Variants in NRG3 observed in about 807,000 individuals in gnomAD.
NRG3 encodes pro-neuregulin-3, membrane-bound isoform.
Under a neutral mutation model 66.9 loss-of-function variants are expected in NRG3, and 31 were observed. That is an observed-to-expected ratio of 0.46 (90% CI 0.35 to 0.63). The LOEUF (loss-of-function observed/expected upper bound fraction) is 0.63. NRG3 is among the 20% of genes least tolerant of loss of function. The pLI, the probability that NRG3 is intolerant of heterozygous loss-of-function variation, is 0.00. For missense variants in NRG3, 910 were observed against 878.9 expected (o/e 1.04, Z -0.45); for synonymous variants, 393 against 359.4 (o/e 1.09, Z -1.06).
chr10:82,590,135 T>C (rs2133298331), intron 2 of NRG3, among the ~76,000 whole-genome samples: 1 of 152,324 alleles, frequency 6.6e-6, no homozygotes, highest in East Asian at 1.9e-4. Flanking sequence ...CAATTATTGA[T>C]GTCTTTGCCA....
chr10:82,684,474 A>G (rs1013400413), intron 2 of NRG3, among the ~76,000 whole-genome samples: 4 of 152,192 alleles, frequency 2.6e-5, no homozygotes, highest in Non-Finnish European at 5.9e-5. Context: ...TGCCATTGAA[A>G]ACCAAATTTC....
At chr10:82,049,305 C>T (rs536766170) in intron 1 of NRG3, among the ~76,000 whole-genome samples, 1 of 152,052 alleles carries the variant, frequency 6.6e-6, no homozygotes, top group Non-Finnish European at 1.5e-5. Flanking sequence ...CATAAGAGGA[C>T]CCTTCATCAT....
chr10:82,235,553 A>G (rs891803410), intron 1 of NRG3, among the ~76,000 whole-genome samples: 3 of 152,154 alleles, frequency 2.0e-5, no homozygotes, highest in Non-Finnish European at 4.4e-5. Flanking sequence ...TTTCCATCTC[A>G]AGTAATCTCC....
At chr10:82,360,295 G>T (rs1564837492) in intron 2 of NRG3, among the ~76,000 whole-genome samples, 1 of 152,212 alleles carries the variant, frequency 6.6e-6, no homozygotes, top group Non-Finnish European at 1.5e-5. Flanking sequence ...ATCCAGGAAT[G>T]AGCTACTCCT....
chr10:82,525,350 A>G (rs144157799), intron 2 of NRG3, among the ~76,000 whole-genome samples: 52 of 152,042 alleles, frequency 3.4e-4, no homozygotes, highest in African/African-American at 1.1e-3. Flanking sequence ...AAACTCCAGA[A>G]CACATCCAAA....
intron 2 of NRG3, among the ~76,000 whole-genome samples, chr10:82,497,585 GTA>G (rs1165934264): frequency 1.3e-5 from 2 of 152,102 alleles, no homozygotes; most frequent in Admixed American, 6.6e-5. Context: ...TAGTGTGTGT[GTA>G]TGTGTGTGTG....
At position 82,681,203 on chromosome 10, in the gene NRG3, C is replaced by T. The variant is rs74548014; in HGVS notation, c.954-57374C>T. On this transcript the variant is annotated intron_variant, in intron 2 of 8. Coordinates refer to ENST00000372141, the MANE Select transcript of NRG3 (RefSeq NM_001010848.4). ...CAATTAAGGAACTTGAGTTTTGGAG[C>T]AAAATTGCCTTATTTGAAATCTACC... 1.9e-3 allele frequency among the ~76,000 whole-genome samples: 288 copies of T among 152,240 alleles called. 2 individuals are homozygous for T. Among genetic ancestry groups the T allele is most frequent in the African/African-American group, 6.4e-3 (267 of 41,560 alleles).
chr10:82,291,958 G>A (rs897197799), intron 1 of NRG3, among the ~76,000 whole-genome samples: 1 of 152,094 alleles, frequency 6.6e-6, no homozygotes, highest in Non-Finnish European at 1.5e-5. Context: ...TACATAAAGG[G>A]AAATGTTGAT....
intron 1 of NRG3, among the ~76,000 whole-genome samples, chr10:82,201,161 G>T (rs373395822): frequency 1.4e-5 from 2 of 140,948 alleles, no homozygotes; most frequent in Non-Finnish European, 3.0e-5. Flanking sequence ...TCGCACCAGC[G>T]CACTCCAGCC....
chr10:82,852,562 T>G (rs774645733), intron 3 of NRG3, among the ~76,000 whole-genome samples: 6 of 152,004 alleles, frequency 3.9e-5, no homozygotes, highest in Non-Finnish European at 8.8e-5. Context: ...TAAAATACCA[T>G]CACTAGCAAG....
rs1384502270 is a variant in NRG3 at position 81,875,562 on chromosome 10, C to T, written c.222C>T (p.Ile74=). The T allele has an allele frequency of 3.1e-6, 5 of 1,613,330 alleles. No individual in the cohort carries two copies. The highest frequency in any genetic ancestry group is 4.2e-6 in the Non-Finnish European group (5 of 1,179,898). ...QTWLCVVPLF[I]GFIGLGLSLM... ...GGCTGTGCGTGGTACCTCTGTTCATCGGCTTCATCGGCCTGGGGCTCAGCC... is the reference window on the plus strand; with the variant it reads ...GGCTGTGCGTGGTACCTCTGTTCATTGGCTTCATCGGCCTGGGGCTCAGCC... The change falls in exon 1 of 9, where the codon ATC becomes ATT. Residue 74 remains isoleucine, a synonymous_variant. Coordinates refer to ENST00000372141, the MANE Select transcript of NRG3 (RefSeq NM_001010848.4). This position sits in a 1 kb window ranked among gnomAD's most constrained non-coding sequence, Gnocchi z 5.3.
intron 4 of NRG3, among the ~76,000 whole-genome samples, chr10:82,917,994 G>C (rs7084797): frequency 0.07 from 7,667 of 108,982 alleles, 388 homozygotes; most frequent in Admixed American, 0.17. Context: ...ATATATATAT[G>C]TATGTATGTA....
rs1046016659 is a variant in NRG3 at position 82,624,562 on chromosome 10, T to C, written c.954-114015T>C. The stretch of plus-strand genomic sequence containing the variant: ...TGACTTATGAAACTGGAAACGTAAA[T>C]TACAGCATAAAATATTTATCAATTA... On this transcript the variant is annotated intron_variant, in intron 2 of 8. Coordinates refer to ENST00000372141, the MANE Select transcript of NRG3 (RefSeq NM_001010848.4). 5.9e-5 allele frequency among the ~76,000 whole-genome samples: 9 copies of C among 152,140 alleles called. No individual in the cohort carries two copies. In the East Asian group the frequency reaches 1.7e-3, roughly 29 times the overall value.
chr10:81,987,146 G>C (rs1242289941), intron 1 of NRG3, among the ~76,000 whole-genome samples: 1 of 152,060 alleles, frequency 6.6e-6, no homozygotes, highest in African/African-American at 2.4e-5. Context: ...GGAGTGCAGT[G>C]ACGCGATCTC....
chr10:82,098,345 G>T (rs1017696550), intron 1 of NRG3, among the ~76,000 whole-genome samples: 4 of 149,506 alleles, frequency 2.7e-5, no homozygotes, highest in African/African-American at 1.0e-4. Context: ...CATATATATA[G>T]ATGACATCTA....
At chr10:82,455,168 A>G (rs1361917950) in intron 2 of NRG3, among the ~76,000 whole-genome samples, 2 of 152,206 alleles carry the variant, frequency 1.3e-5, no homozygotes, top group Non-Finnish European at 2.9e-5. Flanking sequence ...ATAAGCAGCC[A>G]TTTACTTTCA....
chr10:82,876,696 G>A (rs1310270196), intron 4 of NRG3, among the ~76,000 whole-genome samples: 1 of 152,160 alleles, frequency 6.6e-6, no homozygotes, highest in Non-Finnish European at 1.5e-5. Context: ...GAAATAAAGA[G>A]CAACAGTGAT....
chr10:82,660,459 G>A (rs1294543211), intron 2 of NRG3, among the ~76,000 whole-genome samples: 1 of 152,046 alleles, frequency 6.6e-6, no homozygotes, highest in East Asian at 1.9e-4. Flanking sequence ...TAGATTTGGT[G>A]AAATGCTGTT....
At chr10:82,658,042 A>C (rs1439822218) in intron 2 of NRG3, among the ~76,000 whole-genome samples, 2 of 152,152 alleles carry the variant, frequency 1.3e-5, no homozygotes, top group African/African-American at 4.8e-5. Context: ...TTATCTAACT[A>C]ATTCTAAGGT....
Sources: allele counts gnomAD v4.1 joint callset (sites outside exome capture counted in the v4.1 genomes callset), GRCh38; gene constraint gnomAD v4.1.1; non-coding constraint Gnocchi (gnomAD v3.1); transcripts MANE v1.5; gene names NCBI Gene and HGNC (gene_info 2026-07-23, HGNC 2026-07-21).